The following NUP50 variants were observed in gnomAD, a reference collection of about 807,000 sequenced individuals.
NUP50 encodes nuclear pore complex protein Nup50.
Under a neutral mutation model 36.8 loss-of-function variants are expected in NUP50, and 14 were observed. That is an observed-to-expected ratio of 0.38 (90% CI 0.25 to 0.59). The LOEUF (loss-of-function observed/expected upper bound fraction) is 0.59, where lower values mean the gene tolerates loss of function less well. Among genes scored for constraint, NUP50 ranks in the 20% least tolerant of loss-of-function variants. The probability of loss-of-function intolerance (pLI) is 0.63; values close to 1 mark genes in which losing one functional copy is unlikely to be tolerated. For missense variants in NUP50, 455 were observed against 564.6 expected, an observed-to-expected ratio of 0.81 and a Z score of 1.97; for synonymous variants, 195 against 210.8, an observed-to-expected ratio of 0.93 and a Z score of 0.65.
At chr22:45,168,976 A>T (rs1028529816) in intron 2 of NUP50, among the ~76,000 whole-genome samples, 6 of 141,872 alleles carry the variant, frequency 4.2e-5, no homozygotes, top group Non-Finnish European at 7.5e-5. Context: ...ACCTCGGCTC[A>T]CTGCAACTTT....
chr22:45,184,127 C>T, intron 7 of NUP50: 2 of 320,494 alleles, frequency 6.2e-6, no homozygotes, highest in South Asian at 7.7e-5. Context: ...TGGGTTGTGC[C>T]ACCGTGTTCT....
rs1266981693 is a variant in NUP50, at chr22:45,178,784, C to T, written c.887C>T (p.Ser296Phe). The T allele has an allele frequency of 1.9e-6, 3 of 1,613,790 alleles. No individual in the cohort carries two copies. The highest frequency in any genetic ancestry group is 1.3e-5 in the African/African-American group (1 of 74,868). ...GTCCCCCTGACTGGATTTTCTTTCTCCCCTGGAAACTCCAGTTTATTTGGC... is the reference window on the plus strand; with the variant it reads ...GTCCCCCTGACTGGATTTTCTTTCTTCCCTGGAAACTCCAGTTTATTTGGC... The part of the protein sequence containing the change: ...SSVPLTGFSF[S>F]PGNSSLFGKD... Residue 296 changes from serine to phenylalanine, a missense_variant, in exon 5 of 8, where the codon TCC becomes TTC. By Grantham distance (155) the Ser-to-Phe change is radical (BLOSUM62 -2). Coordinates refer to ENST00000347635, the MANE Select transcript of NUP50 (RefSeq NM_007172.4).
chr22:45,171,743 C>A, intron 3 of NUP50, 60 bp downstream of exon 3: 11 of 1,316,552 alleles, frequency 8.4e-6, no homozygotes, highest in Non-Finnish European at 1.2e-5. Flanking sequence ...GGTTGCACAG[C>A]AATCCCTCCG....
chr22:45,183,727 T>A, intron 7 of NUP50: 1 of 492,912 alleles, frequency 2.0e-6, no homozygotes, highest in Non-Finnish European at 3.6e-6. Flanking sequence ...ACAAAATGAT[T>A]TTTCATTTTC....
rs377443559 is a variant in NUP50 at position 45,178,927 on chromosome 22, G to A, written c.1003+27G>A. ...TAAGTACCAGCTTTGTCGTTGAGTC[G>A]AGGTTTGCATAAGATTCTTGTTTCT... is the stretch of plus-strand genomic sequence containing the variant. On this transcript the variant is annotated intron_variant, in intron 5 of 7. Coordinates refer to ENST00000347635, the MANE Select transcript of NUP50 (RefSeq NM_007172.4). 3.1e-5 allele frequency: 49 copies of A among 1,575,216 alleles called. 1 individual carries two copies. The highest frequency in any genetic ancestry group is 2.2e-5 in the East Asian group (1 of 44,562).
At chr22:45,171,078 G>A (rs926728419) in intron 2 of NUP50, 26 of 1,299,656 alleles carry the variant, frequency 2.0e-5, no homozygotes, top group Middle Eastern at 4.3e-4. Context: ...TGCTTTGAGC[G>A]CACTGTGGAA....
In NUP50 at chr22:45,178,284, A is replaced by G. The variant is rs780557657; in HGVS notation, c.387A>G (p.Ser129=). The G allele has an allele frequency of 5.6e-6, 9 of 1,613,960 alleles. No homozygotes were observed. The highest frequency in any genetic ancestry group is 7.6e-6 in the Non-Finnish European group (9 of 1,179,850). Reference sequence around the variant, plus strand: ...CTACCACCTTGGTTGATAAAGTTTCAAATCCCAAAACTAATGGGGACAGTC... The same window carrying G: ...CTACCACCTTGGTTGATAAAGTTTCGAATCCCAAAACTAATGGGGACAGTC... ...NGPTTLVDKV[S]NPKTNGDSQQ... is the part of the protein sequence containing the mutation. Residue 129 remains serine, a synonymous_variant, in exon 5 of 8, where the codon TCA becomes TCG. Coordinates refer to ENST00000347635, the MANE Select transcript of NUP50 (RefSeq NM_007172.4).
intron 5 of NUP50, among the ~76,000 whole-genome samples, chr22:45,180,971 A>G (rs2074359669): frequency 6.7e-6 from 1 of 149,018 alleles, no homozygotes; most frequent in Admixed American, 6.7e-5. Context: ...TAATTTGCAT[A>G]TAGAGTGTTG....
At chr22:45,179,259 A>G (rs1394794421) in intron 5 of NUP50, 1 of 202,992 alleles carries the variant, frequency 4.9e-6, no homozygotes, top group Non-Finnish European at 1.0e-5. Flanking sequence ...TGTCCCCTGA[A>G]TTGATTTGTA....
intron 6 of NUP50, 44 bp from the exon 7 acceptor site, chr22:45,183,358 T>G (rs2074412639): frequency 1.7e-6 from 2 of 1,144,112 alleles, no homozygotes; most frequent in Non-Finnish European, 2.6e-6. Context: ...TGTGACTTGA[T>G]TCGTCCTTGA....
intron 6 of NUP50, among the ~76,000 whole-genome samples, chr22:45,182,632 T>TG (rs1368602685): frequency 7.2e-6 from 1 of 139,564 alleles, no homozygotes; most frequent in Non-Finnish European, 1.5e-5. Flanking sequence ...TGTTTTTTTT[T>TG]TTTTTTTTTT....
chr22:45,167,190 G>A lies in NUP50; in HGVS notation c.-10-978G>A, dbSNP rs114903840. ...GGGAGAGTATCACGAAGGAGTTCAG[G>A]CAGGTTTAACAAGACCTGGCAGGTC... On this transcript the variant is annotated intron_variant, in intron 1 of 7. Coordinates refer to ENST00000347635, the MANE Select transcript of NUP50 (RefSeq NM_007172.4). Among the ~76,000 whole-genome samples the A allele has an allele frequency of 3.9e-3, 599 of 152,302 alleles. 2 individuals carry two copies. The highest frequency in any genetic ancestry group is 0.014 in the African/African-American group (562 of 41,560).
chr22:45,176,923 G>A (rs2074285401), intron 4 of NUP50, among the ~76,000 whole-genome samples: 1 of 152,038 alleles, frequency 6.6e-6, no homozygotes, highest in East Asian at 1.9e-4. Flanking sequence ...TGTAATTTTA[G>A]TAGAGACGGG....
intron 1 of NUP50, chr22:45,164,888 C>T (rs1310595156): frequency 1.3e-5 from 2 of 152,298 alleles, no homozygotes; most frequent in Non-Finnish European, 2.9e-5. Context: ...TCTGGCCTGT[C>T]TTACTGCGTT....
chr22:45,168,163 C>T lies in NUP50; in HGVS notation c.-10-5C>T, dbSNP rs1255648702. 3 of 1,597,066 alleles carry T rather than the reference C, an allele frequency of 1.9e-6. No homozygotes were observed. The highest frequency in any genetic ancestry group is 2.6e-6 in the Non-Finnish European group (3 of 1,171,806). Reference sequence around the variant, plus strand: ...AAATAAACTCTTCTGTTTTCTATAACTTAGGTTCGAAAACATGGCCAAAAG... The same window carrying T: ...AAATAAACTCTTCTGTTTTCTATAATTTAGGTTCGAAAACATGGCCAAAAG... On this transcript the variant is annotated splice_region_variant and splice_polypyrimidine_tract_variant and intron_variant, in intron 1 of 7. Transcript: ENST00000347635.
At chr22:45,175,662 T>C (rs553425808) in intron 3 of NUP50, among the ~76,000 whole-genome samples, 4 of 152,308 alleles carry the variant, frequency 2.6e-5, no homozygotes, top group African/African-American at 9.6e-5. Flanking sequence ...ATATATTTTT[T>C]AAATGTCCTT....
At chr22:45,171,294 G>C (rs2074189919) in intron 2 of NUP50, 1 of 670,952 alleles carries the variant, frequency 1.5e-6, no homozygotes, top group Non-Finnish European at 2.1e-6. Flanking sequence ...CCTCCCGGAG[G>C]GTTCAAGTGA....
At chr22:45,179,032 A>G in intron 5 of NUP50, 132 bp downstream of exon 5, 2 of 828,656 alleles carry the variant, frequency 2.4e-6, no homozygotes, top group Non-Finnish European at 3.7e-6. Flanking sequence ...GTGATCTCAG[A>G]CAGAGCTAAT....
In NUP50 at chr22:45,178,432, C is replaced by G. The variant is rs763689432; in HGVS notation, c.535C>G (p.Pro179Ala). ...GATAGTGAAGCACGTGAATACAAACCCCCTCTGTGATCTGACACCTATCTT... is the reference window on the plus strand; with the variant it reads ...GATAGTGAAGCACGTGAATACAAACGCCCTCTGTGATCTGACACCTATCTT... ...DWIVKHVNTN[P>A]LCDLTPIFKD... Residue 179 changes from proline (P) to alanine (A), a missense_variant, in exon 5 of 8, where the codon CCC becomes GCC. Around this residue, in one of 3 missense-constraint regions of NUP50, gnomAD observed 287 missense variants for 345.5 expected, o/e 0.83. Transcript: ENST00000347635. 2.5e-6 allele frequency: 4 copies of G among 1,613,504 alleles called. No homozygotes were observed. Among genetic ancestry groups the G allele is most frequent in the South Asian group, 1.1e-5 (1 of 91,068 alleles).
Sources: allele counts gnomAD v4.1 joint callset (sites outside exome capture counted in the v4.1 genomes callset), GRCh38; gene constraint gnomAD v4.1.1; regional missense constraint gnomAD v4.1.1; transcripts MANE v1.5; gene names NCBI Gene and HGNC (gene_info 2026-07-23, HGNC 2026-07-21).